The following LDLRAD4 variants were observed in gnomAD, a reference collection of about 807,000 sequenced individuals.
The protein encoded by LDLRAD4 is low-density lipoprotein receptor class A domain-containing protein 4.
In LDLRAD4, 5 loss-of-function variants were observed where a neutral mutation model predicts 17.0. The observed-to-expected ratio is 0.29, with a 90% CI of 0.15 to 0.62. The LOEUF (loss-of-function observed/expected upper bound fraction) is 0.62, where lower values mean the gene tolerates loss of function less well. Ranked by LOEUF, LDLRAD4 falls within the 20% of genes least tolerant of loss-of-function variation. The pLI, the probability that LDLRAD4 is intolerant of heterozygous loss-of-function variation, is 0.84. For missense variants in LDLRAD4, 340 were observed against 424.7 expected, an observed-to-expected ratio of 0.80 and a Z score of 1.75; for synonymous variants, 168 against 171.8, an observed-to-expected ratio of 0.98 and a Z score of 0.17.
At chr18:13,248,784 A>C (rs2043092759) in intron 1 of LDLRAD4, among the ~76,000 whole-genome samples, 1 of 152,164 alleles carries the variant, frequency 6.6e-6, no homozygotes, top group African/African-American at 2.4e-5. Context: ...CCTCCTAGCT[A>C]ATTGAAATTG....
chr18:13,342,026 A>G (rs566542229), intron 1 of LDLRAD4, among the ~76,000 whole-genome samples: 64 of 152,172 alleles, frequency 4.2e-4, no homozygotes, highest in African/African-American at 1.5e-3. Context: ...CTGTTAATGT[A>G]ATATATTACG....
At chr18:13,611,998 G>A in intron 3 of LDLRAD4, 2 of 985,506 alleles carry the variant, frequency 2.0e-6, no homozygotes, top group Non-Finnish European at 2.4e-6. Context: ...CGCTCTGGGA[G>A]CGGATCTGCA....
chr18:13,450,337 C>CCCCCCCCAA (rs367571092), intron 3 of LDLRAD4, among the ~76,000 whole-genome samples: 1 of 115,600 alleles, frequency 8.7e-6, no homozygotes, highest in Admixed American at 8.6e-5. Context: ...CCCCCCCCCC[C>CCCCCCCCAA]AAAAAAACAC....
intron 2 of LDLRAD4, among the ~76,000 whole-genome samples, chr18:13,400,486 C>T (rs552358245): frequency 3.1e-4 from 47 of 152,272 alleles, no homozygotes; most frequent in Admixed American, 2.4e-3. Flanking sequence ...CCCAGACCTG[C>T]GGGCTCCAGA....
At chr18:13,302,182 G>A (rs143031257) in intron 1 of LDLRAD4, among the ~76,000 whole-genome samples, 4 of 152,338 alleles carry the variant, frequency 2.6e-5, no homozygotes, top group African/African-American at 9.6e-5. Flanking sequence ...GTAATTCACT[G>A]CTGTCGCCGG....
intron 2 of LDLRAD4, among the ~76,000 whole-genome samples, chr18:13,425,105 AT>A (rs1600171302): frequency 1.3e-5 from 2 of 152,254 alleles, no homozygotes; most frequent in Non-Finnish European, 2.9e-5. Context: ...TACTGTGAAC[AT>A]TCCTTGTATT....
chr18:13,295,474 C>T (rs2046220730), intron 1 of LDLRAD4, among the ~76,000 whole-genome samples: 1 of 152,220 alleles, frequency 6.6e-6, no homozygotes, highest in African/African-American at 2.4e-5. Context: ...CCTGCAAAGT[C>T]AGCTGCATCG....
At chr18:13,571,911 C>T (rs2094697869) in intron 3 of LDLRAD4, among the ~76,000 whole-genome samples, 1 of 152,250 alleles carries the variant, frequency 6.6e-6, no homozygotes, top group African/African-American at 2.4e-5. Flanking sequence ...GCTAGGATTA[C>T]AGGCGTGAGC....
At chr18:13,354,293 T>A (rs2083212331) in intron 1 of LDLRAD4, among the ~76,000 whole-genome samples, 1 of 152,110 alleles carries the variant, frequency 6.6e-6, no homozygotes, top group South Asian at 2.1e-4. Context: ...GAATTGTCAA[T>A]TTTATGCTAA....
At chr18:13,411,426 G>A (rs2088346773) in intron 2 of LDLRAD4, among the ~76,000 whole-genome samples, 1 of 152,168 alleles carries the variant, frequency 6.6e-6, no homozygotes, top group South Asian at 2.1e-4. Context: ...CTTGGATACT[G>A]ATATGGTTTG....
rs116041469 is a variant in LDLRAD4, at chr18:13,645,731, A to T, written c.*74A>T. 894 of 1,169,228 alleles carry T rather than the reference A, an allele frequency of 7.6e-4. 2 individuals are homozygous for T. The African/African-American group carries it at 0.012, about 16-fold the overall frequency. The allele number at this position is 1,169,228 out of a possible 1,614,324, so 72.4% of individuals were successfully genotyped here. On this transcript the variant is annotated 3_prime_UTR_variant, in exon 6 of 6. Transcript: ENST00000359446. This position sits in a 1 kb window ranked among gnomAD's most constrained non-coding sequence, Gnocchi z 5.7. ...CGGCCGCTGGGCCCCTCCTGCGCAC[A>T]GTGTTGTTCAGTTTCACATGGTACA...
chr18:13,260,453 T>C (rs2145935249), intron 1 of LDLRAD4, among the ~76,000 whole-genome samples: 1 of 152,322 alleles, frequency 6.6e-6, no homozygotes, highest in South Asian at 2.1e-4. Context: ...TTAGGGTGCT[T>C]TGCAAATCTT....
intron 1 of LDLRAD4, among the ~76,000 whole-genome samples, chr18:13,353,771 G>A (rs1446734531): frequency 3.9e-5 from 6 of 152,332 alleles, no homozygotes; most frequent in South Asian, 2.1e-4. Flanking sequence ...AGGCTGGGAA[G>A]TAGGGGAAAA....
At chr18:13,615,090 G>A (rs2039954405) in intron 3 of LDLRAD4, 1 of 152,404 alleles carries the variant, frequency 6.6e-6, no homozygotes, top group South Asian at 2.1e-4. Flanking sequence ...ACGTAGGGGA[G>A]TGAGGTGGGG....
chr18:13,614,372 CT>C (rs1260898595), intron 3 of LDLRAD4: 5 of 152,070 alleles, frequency 3.3e-5, no homozygotes, highest in Middle Eastern at 3.2e-3. Flanking sequence ...TAGGAAAGAG[CT>C]TTTAAAGGAA....
intron 1 of LDLRAD4, among the ~76,000 whole-genome samples, chr18:13,372,546 G>A (rs2084594154): frequency 6.6e-6 from 1 of 152,204 alleles, no homozygotes; most frequent in Non-Finnish European, 1.5e-5. Flanking sequence ...GGTGGCAGCT[G>A]TACAGAGCTG....
At chr18:13,228,011 A>T (rs1309264702) in intron 1 of LDLRAD4, among the ~76,000 whole-genome samples, 1 of 152,206 alleles carries the variant, frequency 6.6e-6, no homozygotes, top group Non-Finnish European at 1.5e-5. Context: ...CAGACGGCAG[A>T]AGCTCAGCTG....
chr18:13,307,381 A>G (rs1362975683), intron 1 of LDLRAD4, among the ~76,000 whole-genome samples: 1 of 152,080 alleles, frequency 6.6e-6, no homozygotes, highest in African/African-American at 2.4e-5. Context: ...TGAATACTAA[A>G]TATATTTTCT....
chr18:13,615,722 A>G lies in LDLRAD4; in HGVS notation c.182-5395A>G, dbSNP rs540951214. ...TAGGATGCCTTCCTGTAAGTTTTAGACTAGATGTATTAAAAAGTATCCGGT... is the reference window on the plus strand; with the variant it reads ...TAGGATGCCTTCCTGTAAGTTTTAGGCTAGATGTATTAAAAAGTATCCGGT... On this transcript the variant is annotated intron_variant, in intron 3 of 5. Coordinates refer to ENST00000359446, the Ensembl canonical transcript of LDLRAD4. 7 of 152,336 alleles carry G rather than the reference A, an allele frequency of 4.6e-5. No homozygotes were observed. In the South Asian group the frequency reaches 1.4e-3, roughly 32 times the overall value. 9.4% of individuals were successfully genotyped at this position (152,336 alleles called of 1,614,324 possible).
Sources: gnomAD v4.1 joint callset for allele counts (sites outside exome capture counted in the v4.1 genomes callset) on GRCh38, gnomAD v4.1.1 for gene constraint, Gnocchi (gnomAD v3.1) non-coding constraint, MANE v1.5 for transcripts, NCBI Gene and HGNC (gene_info 2026-07-23, HGNC 2026-07-21) for gene names.